The following CTSH variants were observed in gnomAD, a reference collection of about 807,000 sequenced individuals.
CTSH encodes the protein pro-cathepsin H.
CTSH carries 52 observed loss-of-function variants against 56.3 expected under a neutral mutation model. The ratio of observed to expected loss-of-function variants is 0.92; its 90% CI spans 0.74 to 1.16. CTSH has a LOEUF of 1.16. Ranked by LOEUF, CTSH falls within the 50% of genes most tolerant of loss-of-function variation. The probability of loss-of-function intolerance (pLI) is 0.00; values close to 1 mark genes in which losing one functional copy is unlikely to be tolerated. For synonymous variants in CTSH, 174 were observed against 155.7 expected (o/e 1.12, Z -0.88); for missense variants, 406 against 424.5 (o/e 0.96, Z 0.38).
At chr15:78,937,632 C>A in intron 2 of CTSH, 2 of 1,403,708 alleles carry the variant, frequency 1.4e-6, no homozygotes, top group South Asian at 1.3e-5. Flanking sequence ...AGAATGAAGA[C>A]CATGCAGCTG....
chr15:78,925,010 T>G (rs1479042777), intron 10 of CTSH, among the ~76,000 whole-genome samples: 1 of 152,062 alleles, frequency 6.6e-6, no homozygotes, highest in African/African-American at 2.4e-5. Context: ...CATGGGTTTT[T>G]TTTAAACTGG....
chr15:78,944,828 G>A lies in CTSH; in HGVS notation c.91+63C>T, dbSNP rs753989760. ...CGGAGCCCAGTGCGCCCCTGGCCAA[G>A]TTCTCCCAGCGTCCACTCTAGGGCC... On this transcript the variant is annotated intron_variant, in intron 1 of 11. Coordinates refer to ENST00000220166, the MANE Select transcript of CTSH (RefSeq NM_004390.5). 8.0e-6 allele frequency: 12 copies of A among 1,493,824 alleles called. No homozygotes were observed. The South Asian group carries it at 1.1e-4, about 14-fold the overall frequency. The allele number at this position is 1,493,824 out of a possible 1,614,324, so 92.5% of individuals were successfully genotyped here.
In CTSH at chr15:78,932,172, C is replaced by T. The variant is rs2055075754; in HGVS notation, c.492+200G>A. 7.5e-6 allele frequency: 7 copies of T among 931,450 alleles called. No individual in the cohort carries two copies. The Admixed American group carries it at 8.8e-5, about 12-fold the overall frequency. The allele number at this position is 931,450 out of a possible 1,614,324, so 57.7% of individuals were successfully genotyped here. A position where few individuals can be genotyped will look rare whatever the true frequency, so the allele number is the denominator to read the frequency against. On this transcript the variant is annotated intron_variant, in intron 6 of 11. Transcript: ENST00000220166. ...TCCATCTAGGAATGAGCCCTTGGGCCGGTTCCTTAATAAACTCAGATCCTT... is the reference window on the plus strand; with the variant it reads ...TCCATCTAGGAATGAGCCCTTGGGCTGGTTCCTTAATAAACTCAGATCCTT...
At chr15:78,944,202 C>A (rs952279064) in intron 1 of CTSH, among the ~76,000 whole-genome samples, 41 of 152,256 alleles carry the variant, frequency 2.7e-4, no homozygotes, top group African/African-American at 9.4e-4. Context: ...AGGAGGGAGG[C>A]AGTAGGGAAG....
In CTSH at chr15:78,924,815, G is replaced by A. The variant is rs561179568; in HGVS notation, c.806+519C>T. Among the ~76,000 whole-genome samples, 37 of 150,634 alleles carry A rather than the reference G, an allele frequency of 2.5e-4. 1 individual carries two copies. In the South Asian group the frequency reaches 6.1e-3, roughly 25 times the overall value. ...AGCCATTCTTGTGTCTCAGCCTCCCGAGTAGCTGGGATTATAGGCATGCAC... is the reference window on the plus strand; with the variant it reads ...AGCCATTCTTGTGTCTCAGCCTCCCAAGTAGCTGGGATTATAGGCATGCAC... On this transcript the variant is annotated intron_variant, in intron 10 of 11. Transcript: ENST00000220166.
intron 5 of CTSH, chr15:78,933,584 G>C (rs538268114): frequency 2.2e-6 from 1 of 452,816 alleles, no homozygotes; most frequent in Admixed American, 2.4e-5. Flanking sequence ...GGCCTGGTGA[G>C]AGGGTCCATG....
At chr15:78,926,862 A>G (rs1213590178) in intron 9 of CTSH, 1 of 152,206 alleles carries the variant, frequency 6.6e-6, no homozygotes, top group Non-Finnish European at 1.5e-5. Flanking sequence ...GAGGGTTGGT[A>G]CAGCACCTAG....
At chr15:78,931,970 C>T (rs960413653) in intron 6 of CTSH, 1 of 1,150,806 alleles carries the variant, frequency 8.7e-7, no homozygotes, top group Non-Finnish European at 1.1e-6. Flanking sequence ...TCAGGGGCAT[C>T]ATCCGTCTCT....
chr15:78,938,092 G>C (rs1387478706), intron 2 of CTSH, among the ~76,000 whole-genome samples: 1 of 152,286 alleles, frequency 6.6e-6, no homozygotes, highest in East Asian at 1.9e-4. Flanking sequence ...TTTTGGGCCA[G>C]GTGCAGTGGC....
chr15:78,939,323 A>G (rs1262617735), intron 1 of CTSH, 152 bp from the exon 2 acceptor site: 7 of 588,712 alleles, frequency 1.2e-5, no homozygotes, highest in Non-Finnish European at 2.1e-5. Flanking sequence ...GAATGCAAAA[A>G]GAAACTCCGA....
intron 2 of CTSH, 38 bp from the exon 3 acceptor site, chr15:78,937,461 G>C: frequency 6.4e-7 from 1 of 1,562,650 alleles, no homozygotes; most frequent in Non-Finnish European, 8.8e-7. Context: ...CATGGAAACA[G>C]GCTGCAGCTC....
chr15:78,942,759 TA>T (rs2055322329), intron 1 of CTSH, among the ~76,000 whole-genome samples: 2 of 152,156 alleles, frequency 1.3e-5, no homozygotes, highest in African/African-American at 4.8e-5. Flanking sequence ...CACTTGGAAA[TA>T]AAAGGTCTGT....
intron 10 of CTSH, among the ~76,000 whole-genome samples, chr15:78,924,223 G>C (rs968731482): frequency 6.6e-6 from 1 of 152,070 alleles, no homozygotes; most frequent in African/African-American, 2.4e-5. Context: ...CGGCGGGGAC[G>C]GGTTTGATGG....
In CTSH at chr15:78,943,714, C is replaced by T. The variant is rs560267396; in HGVS notation, c.91+1177G>A. 2.0e-5 allele frequency among the ~76,000 whole-genome samples: 3 copies of T among 152,370 alleles called. No individual in the cohort carries two copies. In the East Asian group the frequency reaches 5.8e-4, roughly 29 times the overall value. ...TACATACAATCTATGGTTGCTATCA[C>T]ACTACCATGGCAGAGTTAGTAGTTG... On this transcript the variant is annotated intron_variant, in intron 1 of 11. Transcript: ENST00000220166.
At position 78,935,120 on chromosome 15, in the gene CTSH, C is replaced by T. The variant is rs74724679; in HGVS notation, c.301-38G>A. 1,649 of 1,389,924 alleles carry T rather than the reference C, an allele frequency of 1.2e-3. 18 individuals are homozygous for T. The African/African-American group carries it at 0.021, about 18-fold the overall frequency. The allele number at this position is 1,389,924 out of a possible 1,614,324, so 86.1% of individuals were successfully genotyped here. ...AACACATTATTTTCAGGAAAATAAACAAAACCAAAAACCTTTCTGACAACA... is the reference window on the plus strand; with the variant it reads ...AACACATTATTTTCAGGAAAATAAATAAAACCAAAAACCTTTCTGACAACA... On this transcript the variant is annotated intron_variant, in intron 4 of 11. Transcript: ENST00000220166.
rs374901922 is a variant in CTSH at position 78,937,307 on chromosome 15, G to T, written c.229+11C>A. The T allele has an allele frequency of 3.1e-6, 5 of 1,608,506 alleles. No individual in the cohort carries two copies. The highest frequency in any genetic ancestry group is 1.1e-5 in the South Asian group (1 of 90,938). ...CATCCTTCCAGGAAGGAAGGAAGGC[G>T]TTCCACGTACTTTTAAATGTGTGGT... On this transcript the variant is annotated intron_variant, in intron 3 of 11. Transcript: ENST00000220166.
intron 3 of CTSH, 191 bp downstream of exon 3, chr15:78,937,127 C>T (rs531596724): frequency 5.3e-5 from 31 of 585,798 alleles, no homozygotes; most frequent in East Asian, 4.6e-4. Context: ...AGAGGGGTAC[C>T]GGCTTTGTCC....
chr15:78,932,937 C>T (rs1429948926), intron 5 of CTSH, among the ~76,000 whole-genome samples: 1 of 132,278 alleles, frequency 7.6e-6, no homozygotes, highest in Non-Finnish European at 1.5e-5. Context: ...CTCACCTTTC[C>T]ACCTCCAGTC....
intron 11 of CTSH, 82 bp from the exon 12 acceptor site, chr15:78,922,287 G>T: frequency 8.8e-7 from 1 of 1,134,342 alleles, no homozygotes; most frequent in Non-Finnish European, 1.3e-6. Context: ...CTCACCAAGA[G>T]CTGACTTCAG....
Sources: allele counts gnomAD v4.1 joint callset (sites outside exome capture counted in the v4.1 genomes callset), GRCh38; gene constraint gnomAD v4.1.1; transcripts MANE v1.5; gene names NCBI Gene and HGNC (gene_info 2026-07-23, HGNC 2026-07-21).